CDC27: variants seen among roughly 807,000 people sequenced by gnomAD.
CDC27 encodes the protein cell division cycle protein 27 homolog.
Under a neutral mutation model 109.7 loss-of-function variants are expected in CDC27, and 27 were observed. The observed-to-expected ratio is 0.25, with a 90% CI of 0.18 to 0.34. CDC27 has a LOEUF of 0.34. CDC27 is among the 10% of genes least tolerant of loss of function. CDC27 has a pLI of 1.00. For synonymous variants in CDC27, 266 were observed against 333.9 expected (o/e 0.80, Z 2.22); for missense variants, 579 against 960.2 (o/e 0.60, Z 5.25).
chr17:47,169,780 A>T, intron 4 of CDC27, 137 bp downstream of exon 4: 1 of 539,138 alleles, frequency 1.9e-6, no homozygotes, highest in Non-Finnish European at 2.9e-6. Flanking sequence ...CTGCTATTTT[A>T]ATAAGGTCAT....
rs561670374 is a variant in CDC27, at chr17:47,156,146, A to G, written c.842+767T>C. ...TTTCAGAGTTTTAAATTTTCCTCCA[A>G]TTTTTTTTTTGAGATGGAGTCTTGC... On this transcript the variant is annotated intron_variant, in intron 7 of 18. Transcript: ENST00000066544. Among the ~76,000 whole-genome samples the G allele has an allele frequency of 3.3e-5, 5 of 149,458 alleles. No individual in the cohort carries two copies. In the South Asian group the frequency reaches 1.1e-3, roughly 32 times the overall value.
In CDC27 at chr17:47,142,000, T is replaced by C. The variant is rs1312626188; in HGVS notation, c.1404A>G (p.Glu468=). 7 of 1,593,324 alleles carry C rather than the reference T, an allele frequency of 4.4e-6. No individual in the cohort carries two copies. Among genetic ancestry groups the C allele is most frequent in the Non-Finnish European group, 6.0e-6 (7 of 1,172,404 alleles). Residue 468 remains glutamate (E), a synonymous_variant, in exon 12 of 19, where the codon GAA becomes GAG. Transcript: ENST00000066544. ...ACAAAGCTAAATAACCTTTCCCCAT[T>C]TCACGAAGAAGGCTCATCAAACCTT... ...AAEGLMSLLR[E]MGKGYLALCS...
chr17:47,150,130 G>A (rs2063111741), intron 9 of CDC27, among the ~76,000 whole-genome samples: 1 of 152,126 alleles, frequency 6.6e-6, no homozygotes, highest in African/African-American at 2.4e-5. Context: ...CTATTGTAAG[G>A]TTCTGTGCTA....
intron 14 of CDC27, among the ~76,000 whole-genome samples, chr17:47,133,028 T>TATACACACACACAC (rs1555783886): frequency 1.0e-4 from 3 of 29,834 alleles, no homozygotes; most frequent in African/African-American, 2.9e-4. Flanking sequence ...TATATATATA[T>TATACACACACACAC]ACACACACAC....
chr17:47,179,360 T>A (rs1179559500), intron 2 of CDC27, among the ~76,000 whole-genome samples: 1 of 152,106 alleles, frequency 6.6e-6, no homozygotes, highest in Non-Finnish European at 1.5e-5. Flanking sequence ...CCAAGAATTC[T>A]GAGGTTGGTT....
chr17:47,163,989 C>G (rs1486177710), intron 4 of CDC27, among the ~76,000 whole-genome samples: 8 of 152,196 alleles, frequency 5.3e-5, no homozygotes, highest in Non-Finnish European at 8.8e-5. Context: ...GTCTCGAACT[C>G]TTGACCTCAG....
intron 1 of CDC27, among the ~76,000 whole-genome samples, chr17:47,184,712 G>A (rs1215318625): frequency 1.3e-5 from 2 of 152,136 alleles, no homozygotes; most frequent in African/African-American, 4.8e-5. Flanking sequence ...CTTCCATCCC[G>A]CTTTGCTCAA....
chr17:47,141,812 T>C, intron 12 of CDC27, 41 bp downstream of exon 12: 1 of 1,231,838 alleles, frequency 8.1e-7, no homozygotes, highest in South Asian at 1.5e-5. Flanking sequence ...GAAATTGAAA[T>C]TATCTCTAGA....
intron 2 of CDC27, among the ~76,000 whole-genome samples, chr17:47,180,893 G>A (rs1051962092): frequency 3.5e-5 from 5 of 144,032 alleles, no homozygotes; most frequent in Admixed American, 7.2e-5. Context: ...TTTGTTCCAA[G>A]GCTATAGAGT....
At chr17:47,141,149 T>C (rs1353075315) in intron 12 of CDC27, among the ~76,000 whole-genome samples, 6 of 152,152 alleles carry the variant, frequency 3.9e-5, no homozygotes, top group Non-Finnish European at 7.4e-5. Context: ...GAGATATATA[T>C]TGAATAAATG....
rs55717332 is a variant in CDC27 at position 47,133,106 on chromosome 17, CATATATATATATAT to C, written c.1914-746_1914-733del. On this transcript the variant is annotated intron_variant, in intron 14 of 18. Coordinates refer to ENST00000066544, the MANE Select transcript of CDC27 (RefSeq NM_001256.6). Reference sequence around the variant, plus strand: ...ACACAAACACACACACACAAATATACATATATATATATATATATATATATATATATAATATATAT... The same window carrying C: ...ACACAAACACACACACACAAATATACATATATATATATATATAATATATAT... Among the ~76,000 whole-genome samples the C allele has an allele frequency of 1.2e-3, 116 of 98,014 alleles. 1 individual carries two copies. Among genetic ancestry groups the C allele is most frequent in the African/African-American group, 3.8e-3 (91 of 24,106 alleles). The allele number at this position is 98,014 out of a possible 152,430, so 64.3% of individuals were successfully genotyped here.
rs550397651 is a variant in CDC27, at chr17:47,121,105, T to C, written c.2393-88A>G. On this transcript the variant is annotated intron_variant, in intron 18 of 18. Transcript: ENST00000066544. ...AAAACAAGTAAGAAAAATTGTATTATATTCAGAGAGATAAAACCCTAAATA... is the reference window on the plus strand; with the variant it reads ...AAAACAAGTAAGAAAAATTGTATTACATTCAGAGAGATAAAACCCTAAATA... 1.3e-5 allele frequency: 11 copies of C among 835,828 alleles called. No homozygotes were observed. The East Asian group carries it at 2.9e-4, about 22-fold the overall frequency. 51.8% of individuals were successfully genotyped at this position (835,828 alleles called of 1,614,324 possible). A position where few individuals can be genotyped will look rare whatever the true frequency, so the allele number is the denominator to read the frequency against.
intron 17 of CDC27, among the ~76,000 whole-genome samples, chr17:47,123,401 A>AC (rs201424193): frequency 1.4e-4 from 14 of 97,684 alleles, no homozygotes; most frequent in Non-Finnish European, 2.3e-4. Flanking sequence ...TTTTTTTTCT[A>AC]CTTTTTTTTT....
intron 8 of CDC27, among the ~76,000 whole-genome samples, chr17:47,153,925 T>A (rs2063221572): frequency 6.6e-6 from 1 of 151,682 alleles, no homozygotes; most frequent in Admixed American, 6.6e-5. Context: ...TCTACAAAAA[T>A]AAAAGTTAAA....
chr17:47,149,425 C>T (rs1226089931), intron 9 of CDC27, among the ~76,000 whole-genome samples: 2 of 148,870 alleles, frequency 1.3e-5, no homozygotes, highest in African/African-American at 2.5e-5. Flanking sequence ...GCAGGAGAAT[C>T]GCTTTAACCC....
intron 2 of CDC27, among the ~76,000 whole-genome samples, chr17:47,178,361 T>C (rs2064094200): frequency 6.6e-6 from 1 of 150,744 alleles, no homozygotes; most frequent in Non-Finnish European, 1.5e-5. Flanking sequence ...CATTGTGAGA[T>C]CTCGTGTTCT....
rs2063844699 is a variant in CDC27, at chr17:47,172,623, TGACA to T, written c.104-563_104-560del. ...TGCTCACACCATTTTAACATTCAGT[TGACA>T]GACTATAGTAACAATAATTAAATTA... On this transcript the variant is annotated intron_variant, in intron 2 of 18. Transcript: ENST00000066544. 3.9e-5 allele frequency among the ~76,000 whole-genome samples: 6 copies of T among 152,354 alleles called. No homozygotes were observed. The East Asian group carries it at 1.2e-3, about 29-fold the overall frequency.
At chr17:47,188,348 A>G (rs1238555342) in intron 1 of CDC27, among the ~76,000 whole-genome samples, 1 of 152,178 alleles carries the variant, frequency 6.6e-6, no homozygotes, top group African/African-American at 2.4e-5. Context: ...TTAAAATCCA[A>G]TAGGGTTCCT....
intron 9 of CDC27, 109 bp downstream of exon 9, chr17:47,151,697 T>C (rs2063155971): frequency 1.2e-6 from 1 of 802,922 alleles, no homozygotes; most frequent in East Asian, 3.0e-5. Context: ...CTTCAAAATT[T>C]ACAGTAGTTA....
Sources: gnomAD v4.1 joint callset for allele counts (sites outside exome capture counted in the v4.1 genomes callset) on GRCh38, gnomAD v4.1.1 for gene constraint, MANE v1.5 for transcripts, NCBI Gene and HGNC (gene_info 2026-07-23, HGNC 2026-07-21) for gene names.